The following CHSY3 variants were observed in gnomAD, a reference collection of about 807,000 sequenced individuals.
The protein encoded by CHSY3 is chondroitin sulfate synthase 3, also known as N-acetylgalactosaminyl-proteoglycan 3-beta-glucuronosyltransferase 3.
CHSY3 carries 35 observed loss-of-function variants against 67.2 expected under a neutral mutation model. The observed-to-expected ratio is 0.52, with a 90% CI of 0.40 to 0.69. The LOEUF is 0.69. CHSY3 is among the 30% of genes least tolerant of loss of function. The pLI, the probability that CHSY3 is intolerant of heterozygous loss-of-function variation, is 0.00. For missense variants in CHSY3, 1,069 were observed against 1,138.5 expected (o/e 0.94, Z 0.88); for synonymous variants, 474 against 434.7 (o/e 1.09, Z -1.12).
At chr5:130,181,109 G>C (rs1770229614) in intron 2 of CHSY3, among the ~76,000 whole-genome samples, 1 of 151,962 alleles carries the variant, frequency 6.6e-6, no homozygotes, top group Non-Finnish European at 1.5e-5. Flanking sequence ...AAAGCACTGG[G>C]GTCAGTCGGG....
intron 2 of CHSY3, among the ~76,000 whole-genome samples, chr5:130,135,953 T>A (rs1024560620): frequency 6.6e-6 from 1 of 152,224 alleles, no homozygotes; most frequent in Non-Finnish European, 1.5e-5. Context: ...CAAATATTTA[T>A]TGAAGGCCCT....
chr5:129,976,913 C>CATATATATATAT (rs5871372), intron 2 of CHSY3, among the ~76,000 whole-genome samples: 4 of 146,494 alleles, frequency 2.7e-5, no homozygotes, highest in Admixed American at 6.9e-5. Context: ...ATAGAGAAGA[C>CATATATATATAT]ATATATATAT....
intron 2 of CHSY3, among the ~76,000 whole-genome samples, chr5:129,983,669 C>G (rs1763087755): frequency 1.3e-5 from 2 of 151,998 alleles, no homozygotes; most frequent in Non-Finnish European, 2.9e-5. Flanking sequence ...ACTATGAAAA[C>G]TGCCTTTAGG....
At chr5:130,173,976 A>C (rs1456394527) in intron 2 of CHSY3, among the ~76,000 whole-genome samples, 2 of 152,084 alleles carry the variant, frequency 1.3e-5, no homozygotes, top group Non-Finnish European at 2.9e-5. Flanking sequence ...TTTTATATTC[A>C]CTAGTCTTAT....
At chr5:130,039,664 G>C (rs1764956028) in intron 2 of CHSY3, among the ~76,000 whole-genome samples, 1 of 152,046 alleles carries the variant, frequency 6.6e-6, no homozygotes, top group East Asian at 1.9e-4. Context: ...TTTTTGTAGA[G>C]ACTGGGTTTC....
intron 2 of CHSY3, among the ~76,000 whole-genome samples, chr5:130,156,669 A>G (rs1024014118): frequency 1.3e-5 from 2 of 152,232 alleles, no homozygotes; most frequent in Admixed American, 6.5e-5. Context: ...TAGTAAAGAC[A>G]TAGATGGTTT....
At chr5:130,167,159 T>C (rs894324337) in intron 2 of CHSY3, among the ~76,000 whole-genome samples, 1 of 152,098 alleles carries the variant, frequency 6.6e-6, no homozygotes, top group Admixed American at 6.6e-5. Flanking sequence ...TGTTTTTATA[T>C]ACATACACAA....
At chr5:130,051,528 A>T (rs1461383749) in intron 2 of CHSY3, among the ~76,000 whole-genome samples, 1 of 152,098 alleles carries the variant, frequency 6.6e-6, no homozygotes, top group Non-Finnish European at 1.5e-5. Flanking sequence ...TATATATGTA[A>T]TAGAACCCCA....
chr5:130,140,295 G>A, intron 2 of CHSY3: 1 of 445,528 alleles, frequency 2.2e-6, no homozygotes, highest in East Asian at 4.5e-5. Context: ...CTAATATGAA[G>A]CATCAGCCCT....
At chr5:129,971,590 G>A (rs1156628629) in intron 2 of CHSY3, among the ~76,000 whole-genome samples, 1 of 151,846 alleles carries the variant, frequency 6.6e-6, no homozygotes, top group Non-Finnish European at 1.5e-5. Context: ...TTACAAATGA[G>A]AAAATTGTGA....
At chr5:130,144,670 G>T (rs774658277) in intron 2 of CHSY3, among the ~76,000 whole-genome samples, 21 of 151,802 alleles carry the variant, frequency 1.4e-4, no homozygotes, top group Non-Finnish European at 2.6e-4. Context: ...TTTTTTAATG[G>T]AACTAAAGAC....
chr5:130,092,740 G>A (rs1364811595), intron 2 of CHSY3, among the ~76,000 whole-genome samples: 3 of 152,146 alleles, frequency 2.0e-5, no homozygotes, highest in African/African-American at 2.4e-5. Context: ...GCTTTAATCA[G>A]GTGCTGTGGC....
chr5:129,955,541 C>T (rs186109504), intron 2 of CHSY3, among the ~76,000 whole-genome samples: 17 of 149,830 alleles, frequency 1.1e-4, no homozygotes, highest in African/African-American at 3.9e-4. Context: ...TATATATATA[C>T]ATATAATCTT....
intron 2 of CHSY3, among the ~76,000 whole-genome samples, chr5:130,017,870 C>A (rs1764258206): frequency 6.6e-6 from 1 of 152,034 alleles, no homozygotes; most frequent in African/African-American, 2.4e-5. Context: ...TTTGCATTTT[C>A]TTTTATATCT....
chr5:129,914,653 C>T (rs370196589), intron 2 of CHSY3, among the ~76,000 whole-genome samples: 1 of 152,118 alleles, frequency 6.6e-6, no homozygotes, highest in African/African-American at 2.4e-5. Flanking sequence ...CATCATGCAT[C>T]GATTTTGTAA....
chr5:130,020,465 T>G (rs1023652100), intron 2 of CHSY3, among the ~76,000 whole-genome samples: 1 of 41,218 alleles, frequency 2.4e-5, no homozygotes, highest in South Asian at 9.5e-4. Context: ...ATATATATTT[T>G]TTTTTTTTTT....
At chr5:130,150,007 A>G (rs1428699568) in intron 2 of CHSY3, among the ~76,000 whole-genome samples, 1 of 152,242 alleles carries the variant, frequency 6.6e-6, no homozygotes, top group African/African-American at 2.4e-5. Flanking sequence ...GACTGAAAGT[A>G]TGTATATAAA....
chr5:130,150,584 A>C (rs1769208690), intron 2 of CHSY3, among the ~76,000 whole-genome samples: 1 of 152,158 alleles, frequency 6.6e-6, no homozygotes, highest in Non-Finnish European at 1.5e-5. Context: ...ACTATTGATA[A>C]AAATTTTATG....
intron 2 of CHSY3, among the ~76,000 whole-genome samples, chr5:129,974,681 G>T (rs1003318247): frequency 1.3e-5 from 2 of 152,122 alleles, no homozygotes; most frequent in African/African-American, 4.8e-5. Context: ...GGAGCAGAAA[G>T]TTGAGCACAG....
Sources: gnomAD v4.1 joint callset for allele counts (sites outside exome capture counted in the v4.1 genomes callset) on GRCh38, gnomAD v4.1.1 for gene constraint, MANE v1.5 for transcripts, NCBI Gene and HGNC (gene_info 2026-07-23, HGNC 2026-07-21) for gene names.